NMBR: variants seen among roughly 807,000 people sequenced by gnomAD.
NMBR encodes the protein neuromedin-B receptor.
In NMBR, 16 loss-of-function variants were observed where a neutral mutation model predicts 20.5. That is an observed-to-expected ratio of 0.78 (90% CI 0.53 to 1.19). The LOEUF (loss-of-function observed/expected upper bound fraction) is 1.19. Ranked by LOEUF, NMBR falls within the 50% of genes most tolerant of loss-of-function variation. The pLI is 0.00. For synonymous variants in NMBR, 212 were observed against 196.6 expected, an observed-to-expected ratio of 1.08 and a Z score of -0.65; for missense variants, 582 against 499.1, an observed-to-expected ratio of 1.17 and a Z score of -1.58.
At chr6:142,142,188 AT>A (rs1393596101) in intron 1 of NMBR, among the ~76,000 whole-genome samples, 1 of 152,224 alleles carries the variant, frequency 6.6e-6, no homozygotes, top group East Asian at 1.9e-4. Context: ...GATTTTTAAA[AT>A]TTTAAATCCA....
chr6:142,125,902 G>A (rs1043656560), intron 1 of NMBR, among the ~76,000 whole-genome samples: 7 of 150,454 alleles, frequency 4.7e-5, no homozygotes, highest in African/African-American at 1.7e-4. Context: ...TATTCACAGT[G>A]AGAATATGTA....
Position 142,088,280 on chromosome 6 carries a change from C to A in NMBR, c.379G>T (p.Val127Leu), listed in dbSNP as rs143952823. The A allele has an allele frequency of 6.9e-5, 111 of 1,613,626 alleles. No homozygotes were observed. Among genetic ancestry groups the A allele is most frequent in the South Asian group, 2.3e-4 (21 of 91,090 alleles). Residue 127 changes from valine (V) to leucine (L), a missense_variant, in exon 2 of 4, where the codon GTG (valine) becomes TTG (leucine). By Grantham distance (32) the Val-to-Leu change is conservative. Transcript: ENST00000258042. ...KLIPVIQLTS[V>L]GVSVFTLTAL... ...GTGAGAGTGAACACGGAAACCCCCA[C>A]GGAAGTGAGCTGGATGACAGGGATC... is the stretch of plus-strand genomic sequence containing the variant.
intron 1 of NMBR, among the ~76,000 whole-genome samples, chr6:142,109,836 G>C (rs1777728847): frequency 6.6e-6 from 1 of 152,044 alleles, no homozygotes; most frequent in Non-Finnish European, 1.5e-5. Flanking sequence ...TCATAAAAGA[G>C]GCCCAAGGGA....
intron 1 of NMBR, among the ~76,000 whole-genome samples, chr6:142,131,673 G>T (rs1174705343): frequency 6.6e-6 from 1 of 152,118 alleles, no homozygotes; most frequent in East Asian, 1.9e-4. Context: ...TTATTCCTTT[G>T]TTTTATTACC....
intron 2 of NMBR, among the ~76,000 whole-genome samples, chr6:142,082,116 CA>C (rs1473152319): frequency 6.7e-6 from 1 of 149,994 alleles, no homozygotes; most frequent in Non-Finnish European, 1.5e-5. Flanking sequence ...CAAAAATCTC[CA>C]TCTACACTAA....
chr6:142,111,896 G>T (rs1777769675), intron 1 of NMBR, among the ~76,000 whole-genome samples: 1 of 152,186 alleles, frequency 6.6e-6, no homozygotes, highest in African/African-American at 2.4e-5. Context: ...TGTCATGTTT[G>T]TAGCTTAATT....
chr6:142,129,292 T>C (rs964046717), intron 1 of NMBR, among the ~76,000 whole-genome samples: 1 of 152,062 alleles, frequency 6.6e-6, no homozygotes, highest in Non-Finnish European at 1.5e-5. Context: ...AAATCTGAGC[T>C]CGCCTTCCCT....
At chr6:142,093,781 C>A (rs1392878458) in intron 1 of NMBR, among the ~76,000 whole-genome samples, 2 of 152,054 alleles carry the variant, frequency 1.3e-5, no homozygotes, top group Non-Finnish European at 2.9e-5. Flanking sequence ...AGTGTAAAAG[C>A]ATTCCTATTT....
intron 1 of NMBR, among the ~76,000 whole-genome samples, chr6:142,105,555 A>G (rs1414428139): frequency 6.6e-6 from 1 of 152,142 alleles, no homozygotes; most frequent in African/African-American, 2.4e-5. Context: ...TTACTCCTTC[A>G]ATTTGAAACC....
At chr6:142,127,921 T>C (rs1778066500) in intron 1 of NMBR, among the ~76,000 whole-genome samples, 1 of 152,084 alleles carries the variant, frequency 6.6e-6, no homozygotes, top group Non-Finnish European at 1.5e-5. Context: ...CTTGTATAAT[T>C]ATGTTATCTG....
chr6:142,127,162 T>C (rs1778055295), intron 1 of NMBR, among the ~76,000 whole-genome samples: 1 of 151,960 alleles, frequency 6.6e-6, no homozygotes, highest in African/African-American at 2.4e-5. Context: ...GGAGTTGATT[T>C]TTTTATAGGG....
At chr6:142,093,805 C>A (rs888778777) in intron 1 of NMBR, among the ~76,000 whole-genome samples, 10 of 152,164 alleles carry the variant, frequency 6.6e-5, no homozygotes, top group African/African-American at 2.4e-4. Context: ...CACATCCTCT[C>A]CGACACCTGT....
chr6:142,110,104 T>C (rs1777734808), intron 1 of NMBR, among the ~76,000 whole-genome samples: 2 of 152,202 alleles, frequency 1.3e-5, no homozygotes, highest in Admixed American at 6.5e-5. Context: ...AGAAATTCAA[T>C]CCCTTATACA....
At chr6:142,137,626 G>A (rs1406393393) in intron 1 of NMBR, among the ~76,000 whole-genome samples, 1 of 152,212 alleles carries the variant, frequency 6.6e-6, no homozygotes, top group South Asian at 2.1e-4. Flanking sequence ...GATATTGGCT[G>A]TGGTTTGTCA....
chr6:142,079,328 C>T (rs1353209751), intron 2 of NMBR, among the ~76,000 whole-genome samples: 1 of 151,984 alleles, frequency 6.6e-6, no homozygotes, highest in African/African-American at 2.4e-5. Context: ...TATGGAAGAC[C>T]TAAGGTTCCT....
At chr6:142,103,001 GA>G (rs1228440143) in intron 1 of NMBR, among the ~76,000 whole-genome samples, 1 of 152,138 alleles carries the variant, frequency 6.6e-6, no homozygotes, top group Non-Finnish European at 1.5e-5. Context: ...TTCTGGGGAG[GA>G]ACTTCCTTGG....
At chr6:142,118,704 T>C (rs1195086946) in intron 1 of NMBR, among the ~76,000 whole-genome samples, 2 of 152,036 alleles carry the variant, frequency 1.3e-5, no homozygotes, top group African/African-American at 4.8e-5. Context: ...AGGTTGTGGT[T>C]AAGAAACCCA....
intron 1 of NMBR, among the ~76,000 whole-genome samples, chr6:142,099,505 T>A (rs1777520072): frequency 6.6e-6 from 1 of 152,096 alleles, no homozygotes; most frequent in Non-Finnish European, 1.5e-5. Flanking sequence ...CTCACTATCA[T>A]GAAAACAACA....
Position 142,088,506 on chromosome 6 carries a change from C to G in NMBR, c.153G>C (p.Leu51=). Residue 51 remains leucine, a synonymous_variant, in exon 2 of 4, where the codon CTG becomes CTC. Coordinates refer to ENST00000258042, the MANE Select transcript of NMBR (RefSeq NM_002511.4). ...VIRCVIPSLY[L]LIITVGLLGN... Reference sequence around the variant, plus strand: ...CCAGCAAGCCCACGGTGATGATGAGCAGGTAGAGGGACGGGATCACACAGC... The same window carrying G: ...CCAGCAAGCCCACGGTGATGATGAGGAGGTAGAGGGACGGGATCACACAGC... 6.2e-7 allele frequency: 1 copy of G among 1,614,016 alleles called. No individual in the cohort carries two copies. The highest frequency in any genetic ancestry group is 8.5e-7 in the Non-Finnish European group (1 of 1,180,006).
Sources: allele counts gnomAD v4.1 joint callset (sites outside exome capture counted in the v4.1 genomes callset), GRCh38; gene constraint gnomAD v4.1.1; transcripts MANE v1.5; gene names NCBI Gene and HGNC (gene_info 2026-07-23, HGNC 2026-07-21).